Variants in CFAP47 observed in about 807,000 individuals in gnomAD.
CFAP47 encodes cilia- and flagella-associated protein 47.
Under a neutral mutation model 148.1 loss-of-function variants are expected in CFAP47, and 29 were observed. The observed-to-expected ratio is 0.20, with a 90% CI of 0.15 to 0.27. CFAP47 has a LOEUF of 0.27. Ranked by LOEUF, CFAP47 falls within the 10% of genes least tolerant of loss-of-function variation. The pLI, the probability that CFAP47 is intolerant of heterozygous loss-of-function variation, is 1.00. For synonymous variants in CFAP47, 664 were observed against 577.3 expected (o/e 1.15, Z -2.15); for missense variants, 1,872 against 1,697.5 (o/e 1.10, Z -1.81).
chrX:36,140,089 C>T (rs1939114198), intron 35 of CFAP47, among the ~76,000 whole-genome samples: 1 of 111,657 alleles, frequency 9.0e-6, no homozygotes, highest in African/African-American at 3.3e-5. Context: ...ACACTGGATA[C>T]ATCCTTCAGG....
At chrX:36,061,159 T>G (rs1410617844) in intron 26 of CFAP47, among the ~76,000 whole-genome samples, 1 of 110,855 alleles carries the variant, frequency 9.0e-6, no homozygotes, top group African/African-American at 3.3e-5. Flanking sequence ...CCCACTGCCC[T>G]CTCTTCCTCC....
Position 36,099,845 on chromosome X carries a change from G to T in CFAP47, c.5093G>T (p.Arg1698Leu), listed in dbSNP as rs151105767. 3 of 983,261 alleles carry T rather than the reference G, an allele frequency of 3.1e-6. No homozygotes were observed. The highest frequency in any genetic ancestry group is 1.4e-6 in the Non-Finnish European group (1 of 690,935). The allele number at this position is 983,261 out of a possible 1,213,427, so 81.0% of individuals were successfully genotyped here. A position where few individuals can be genotyped will look rare whatever the true frequency, so the allele number is the denominator to read the frequency against. The change falls in exon 32 of 64, where the codon CGG becomes CTG. Residue 1698 changes from arginine (R) to leucine (L), a missense_variant. By Grantham distance (102) the Arg-to-Leu change is moderately radical. Coordinates refer to ENST00000378653, the MANE Select transcript of CFAP47 (RefSeq NM_001304548.2). ...TCTAAATTTGAAGCCTGGAGTAAACGGGCATGGACAGATGTATTTCTACAG... is the reference window on the plus strand; with the variant it reads ...TCTAAATTTGAAGCCTGGAGTAAACTGGCATGGACAGATGTATTTCTACAG... Reference protein sequence around the residue: ...EMSKFEAWSKRAWTDVFLQIY... With the variant: ...EMSKFEAWSKLAWTDVFLQIY...
At chrX:36,205,512 G>C (rs1378719826) in intron 45 of CFAP47, among the ~76,000 whole-genome samples, 1 of 111,356 alleles carries the variant, frequency 9.0e-6, no homozygotes, top group Non-Finnish European at 1.9e-5. Context: ...AATGTTGATG[G>C]CTAGAGGTTA....
intron 30 of CFAP47, among the ~76,000 whole-genome samples, chrX:36,091,890 A>G (rs1938191785): frequency 9.0e-6 from 1 of 111,401 alleles, no homozygotes; most frequent in Admixed American, 9.6e-5. Context: ...TATTTCCAGA[A>G]TTGAGAACTA....
At chrX:36,241,989 G>T (rs1187291691) in intron 48 of CFAP47, among the ~76,000 whole-genome samples, 3 of 111,695 alleles carry the variant, frequency 2.7e-5, no homozygotes, top group African/African-American at 9.8e-5. Context: ...ATGAGAAAAA[G>T]AGTCACGTGG....
chrX:35,965,703 GCA>G (rs1936391694), intron 8 of CFAP47, among the ~76,000 whole-genome samples: 1 of 111,205 alleles, frequency 9.0e-6, no homozygotes, highest in African/African-American at 3.3e-5. Flanking sequence ...AGAGAATTGT[GCA>G]CACAGAGTGA....
intron 57 of CFAP47, among the ~76,000 whole-genome samples, chrX:36,342,400 C>T (rs1474588625): frequency 9.0e-6 from 1 of 111,433 alleles, no homozygotes; most frequent in Non-Finnish European, 1.9e-5. Flanking sequence ...TGGAGCTAAC[C>T]GATCATTGCA....
At chrX:36,142,312 A>T (rs1276932828) in intron 35 of CFAP47, among the ~76,000 whole-genome samples, 2 of 111,235 alleles carry the variant, frequency 1.8e-5, no homozygotes, top group South Asian at 7.6e-4. Context: ...TCATAGCAGG[A>T]CTTGAATTAA....
At chrX:36,358,434 T>C (rs143948134) in intron 60 of CFAP47, among the ~76,000 whole-genome samples, 1,346 of 112,217 alleles carry the variant, frequency 0.012, 17 homozygotes, top group African/African-American at 0.036. Flanking sequence ...ACAAATTATG[T>C]CCTGCACCCT....
chrX:36,236,411 A>G (rs1273014643), intron 47 of CFAP47, among the ~76,000 whole-genome samples: 1 of 112,201 alleles, frequency 8.9e-6, no homozygotes, highest in South Asian at 3.7e-4. Context: ...TATTTCTTTT[A>G]CATGGAAGTA....
At chrX:36,123,986 T>C (rs933926330) in intron 33 of CFAP47, among the ~76,000 whole-genome samples, 1 of 111,591 alleles carries the variant, frequency 9.0e-6, no homozygotes, top group Non-Finnish European at 1.9e-5. Context: ...GCCCAAGGCC[T>C]CTTTGGTTAG....
chrX:36,084,685 G>A (rs1938048049), intron 29 of CFAP47, among the ~76,000 whole-genome samples: 1 of 111,662 alleles, frequency 9.0e-6, no homozygotes, highest in Admixed American at 9.6e-5. Context: ...AAGTCAGTAT[G>A]CATCACAACC....
chrX:36,026,170 C>T (rs1285519341), intron 22 of CFAP47, among the ~76,000 whole-genome samples: 1 of 111,731 alleles, frequency 9.0e-6, no homozygotes, highest in Non-Finnish European at 1.9e-5. Flanking sequence ...TCAAATGATA[C>T]AAGAAAAATT....
In CFAP47 at chrX:35,983,532, T is replaced by G. The variant is rs537232231; in HGVS notation, c.2714-5787T>G. On this transcript the variant is annotated intron_variant, in intron 15 of 63. Coordinates refer to ENST00000378653, the MANE Select transcript of CFAP47 (RefSeq NM_001304548.2). ...AGAAATTCTTGTTTTGATCCAATTT[T>G]AAAGATAAATACTTCCAGCTCTTTC... Among the ~76,000 whole-genome samples the G allele has an allele frequency of 3.4e-4, 38 of 112,042 alleles. No individual in the cohort carries two copies. The South Asian group carries it at 5.6e-3, about 16-fold the overall frequency.
intron 50 of CFAP47, among the ~76,000 whole-genome samples, chrX:36,281,064 T>A (rs1941073973): frequency 8.9e-6 from 1 of 112,048 alleles, no homozygotes; most frequent in Admixed American, 9.5e-5. Context: ...TTTATTTGAA[T>A]GTTGTTAAAC....
intron 2 of CFAP47, among the ~76,000 whole-genome samples, chrX:35,940,022 G>T (rs1231278400): frequency 9.0e-6 from 1 of 110,851 alleles, no homozygotes. Flanking sequence ...TTGTGGTTTT[G>T]ATTTGCATTT....
chrX:36,089,293 C>T (rs750146977), intron 30 of CFAP47, among the ~76,000 whole-genome samples: 4 of 110,042 alleles, frequency 3.6e-5, no homozygotes, highest in East Asian at 2.9e-4. Flanking sequence ...CACTTGAACC[C>T]GGGAGGCGAA....
chrX:36,057,259 A>G (rs1025449513), intron 26 of CFAP47, among the ~76,000 whole-genome samples: 1 of 112,055 alleles, frequency 8.9e-6, no homozygotes, highest in African/African-American at 3.2e-5. Context: ...TAATTATGAC[A>G]AAGGGCAGAA....
At chrX:36,037,981 T>G (rs2146724625) in intron 24 of CFAP47, among the ~76,000 whole-genome samples, 1 of 111,583 alleles carries the variant, frequency 9.0e-6, no homozygotes, top group South Asian at 3.8e-4. Flanking sequence ...CCATTATTTT[T>G]CTATTCCTCC....
Sources: gnomAD v4.1 joint callset for allele counts (sites outside exome capture counted in the v4.1 genomes callset) on GRCh38, gnomAD v4.1.1 for gene constraint, MANE v1.5 for transcripts, NCBI Gene and HGNC (gene_info 2026-07-23, HGNC 2026-07-21) for gene names.